PTX4: variants seen among roughly 807,000 people sequenced by gnomAD.
The protein encoded by PTX4 is pentraxin-4.
PTX4 carries 23 observed loss-of-function variants against 19.1 expected under a neutral mutation model. The ratio of observed to expected loss-of-function variants is 1.20; its 90% confidence interval spans 0.87 to 1.70. PTX4 has a LOEUF of 1.70. Among genes scored for constraint, PTX4 ranks in the 40% most tolerant of loss-of-function variants. PTX4 has a pLI of 0.00. For missense variants in PTX4, 678 were observed against 610.5 expected, an observed-to-expected ratio of 1.11 and a Z score of -1.17; for synonymous variants, 317 against 279.6, an observed-to-expected ratio of 1.13 and a Z score of -1.33.
rs753975522 is a variant in PTX4 at position 1,487,806 on chromosome 16, C to T, written c.306G>A (p.Ala102=). 5.3e-5 allele frequency: 85 copies of T among 1,612,958 alleles called. No homozygotes were observed. In the Admixed American group the frequency reaches 1.2e-3, roughly 23 times the overall value. ...RSQASVQGEL[A]QLKAWVRKLQ... is the part of the protein sequence containing the mutation. The stretch of plus-strand genomic sequence containing the variant: ...GCTTCCTCACCCAGGCCTTGAGCTG[C>T]GCCAGCTCCCCCTGCACCGAGGCCT... Residue 102 remains alanine, a synonymous_variant, in exon 2 of 3, where the codon GCG becomes GCA. Coordinates refer to ENST00000447419, the MANE Select transcript of PTX4 (RefSeq NM_001328608.2).
intron 2 of PTX4, 121 bp from the exon 3 acceptor site, chr16:1,486,700 C>T (rs1596239449): frequency 9.4e-7 from 1 of 1,064,662 alleles, no homozygotes; most frequent in Non-Finnish European, 1.3e-6. Context: ...GGAGCACTGA[C>T]TCTGCGCTGG....
chr16:1,486,831 C>T (rs1393853821), intron 2 of PTX4, among the ~76,000 whole-genome samples: 2 of 152,110 alleles, frequency 1.3e-5, no homozygotes, highest in East Asian at 1.9e-4. Context: ...CTGCTAGGAG[C>T]CCTAGCTGTC....
In PTX4 at chr16:1,487,925, C is replaced by A; in HGVS notation, c.187G>T (p.Ala63Ser). The stretch of plus-strand genomic sequence containing the variant: ...TTGTAGGACACGTTGTAGTTGCTGG[C>A]GATGTTCTGCAGGTGTGTCCAGGTC... ...EVTWTHLQNI[A>S]SNYNVSYNVD... The change falls in exon 2 of 3, where the codon GCC becomes TCC. Residue 63 changes from alanine to serine, a missense_variant. By Grantham distance (99) the Ala-to-Ser change is moderately conservative (BLOSUM62 1). Transcript: ENST00000447419. 6.2e-7 allele frequency: 1 copy of A among 1,606,666 alleles called. No homozygotes were observed.
chr16:1,487,415 T>G lies in PTX4; in HGVS notation c.697A>C (p.Arg233=). 2 of 1,527,234 alleles carry G rather than the reference T, an allele frequency of 1.3e-6. No homozygotes were observed. Among genetic ancestry groups the G allele is most frequent in the Non-Finnish European group, 1.7e-6 (2 of 1,143,280 alleles). The allele number at this position is 1,527,234 out of a possible 1,614,324, so 94.6% of individuals were successfully genotyped here. A position where few individuals can be genotyped will look rare whatever the true frequency, so the allele number is the denominator to read the frequency against. The change falls in exon 2 of 3, where the codon AGG becomes CGG. Residue 233 remains arginine (R), a synonymous_variant. Transcript: ENST00000447419. ...PQDSSAPLQG[R]REPPASGSHR... ...CTGCCTGAGGCTGGAGGCTCCCGCC[T>G]CCCTTGGAGAGGGGCCGAGGAGTCC... is the stretch of plus-strand genomic sequence containing the variant.
At position 1,487,616 on chromosome 16, in the gene PTX4, C is replaced by T. The variant is rs371428239; in HGVS notation, c.496G>A (p.Ala166Thr). The change falls in exon 2 of 3, where the codon GCC becomes ACC. Residue 166 changes from alanine (A) to threonine (T), a missense_variant. Physicochemically the swap from Ala to Thr is moderately conservative, Grantham distance 58. Transcript: ENST00000447419. The part of the protein sequence containing the change: ...RLEGLVHSQG[A>T]RLAALEGRLP... ...CGCCCCTCCAGAGCAGCCAGCCTGG[C>T]GCCCTGGCTGTGGACGAGGCCCTCC... is the stretch of plus-strand genomic sequence containing the variant. 178 of 1,572,174 alleles carry T rather than the reference C, an allele frequency of 1.1e-4. No homozygotes were observed. Among genetic ancestry groups the T allele is most frequent in the Admixed American group, 6.7e-4 (38 of 56,506 alleles).
rs774104130 is a variant in PTX4, at chr16:1,486,244, C to T, written c.1132G>A (p.Val378Met). 18 of 1,612,316 alleles carry T rather than the reference C, an allele frequency of 1.1e-5. No individual in the cohort carries two copies. Among genetic ancestry groups the T allele is most frequent in the Admixed American group, 5.0e-5 (3 of 59,874 alleles). The change falls in exon 3 of 3, where the codon GTG (valine) becomes ATG (methionine). Residue 378 changes from valine (V) to methionine (M), a missense_variant. Transcript: ENST00000447419. ...CCGGTGGCCACCAGCCTGCGATCCACGTGGAGCCAGTACCTGCCCTGGGTG... is the reference window on the plus strand; with the variant it reads ...CCGGTGGCCACCAGCCTGCGATCCATGTGGAGCCAGTACCTGCCCTGGGTG... ...TSTQGRYWLH[V>M]DRRLVATGSR...
chr16:1,486,862 C>T (rs1393465243), intron 2 of PTX4, among the ~76,000 whole-genome samples: 2 of 152,168 alleles, frequency 1.3e-5, no homozygotes, highest in Admixed American at 6.5e-5. Flanking sequence ...GCTGAGCCAG[C>T]GCCCCTCACT....
chr16:1,488,709 C>T (rs967931088), intron 1 of PTX4, 60 bp downstream of exon 1: 6 of 652,634 alleles, frequency 9.2e-6, no homozygotes, highest in Admixed American at 2.3e-5. Flanking sequence ...CTGTAACATC[C>T]GTCTTCCATC....
At chr16:1,486,718 G>A (rs1312162595) in intron 2 of PTX4, 139 bp from the exon 3 acceptor site, 9 of 861,404 alleles carry the variant, frequency 1.0e-5, no homozygotes, top group Admixed American at 3.2e-5. Flanking sequence ...TGGCCCTGCC[G>A]ATGGCTCCCC....
intron 1 of PTX4, chr16:1,488,231 A>G: frequency 1.4e-6 from 2 of 1,472,512 alleles, no homozygotes; most frequent in South Asian, 2.5e-5. Flanking sequence ...CCCACCGCTC[A>G]CCCCATAACC....
chr16:1,488,412 C>A, intron 1 of PTX4: 1 of 1,613,728 alleles, frequency 6.2e-7, no homozygotes, highest in Non-Finnish European at 8.5e-7. Context: ...TCCGGGAGGC[C>A]GTTCACACCG....
In PTX4 at chr16:1,487,862, G is replaced by A. The variant is rs1436548296; in HGVS notation, c.250C>T (p.Gln84Ter). The change falls in exon 2 of 3, where the codon CAG becomes TAG. Residue 84 changes from glutamine to a stop codon, truncating the protein, a stop_gained. Transcript: ENST00000447419. LOFTEE classifies it high-confidence loss of function. ...CGGTTGACTGCCTGAGCCACAGCCT[G>A]GCTCTCTTCCGCCAGGCTCCGGAAC... ...VRFRSLAEESQAVAQAVNRSQ... is the reference protein window; with the variant it reads ...VRFRSLAEES 6.2e-7 allele frequency: 1 copy of A among 1,613,008 alleles called. No individual in the cohort carries two copies. Among genetic ancestry groups the A allele is most frequent in the East Asian group, 2.2e-5 (1 of 44,886 alleles).
rs552443178 is a variant in PTX4, at chr16:1,488,354, C to T, written c.142-384G>A. Reference sequence around the variant, plus strand: ...AAACAGGAAGCACCCAGCGCAGGCCCGACAGGCCCACAGCACTCCGGAACT... The same window carrying T: ...AAACAGGAAGCACCCAGCGCAGGCCTGACAGGCCCACAGCACTCCGGAACT... On this transcript the variant is annotated intron_variant, in intron 1 of 2. Coordinates refer to ENST00000447419, the MANE Select transcript of PTX4 (RefSeq NM_001328608.2). 22 of 1,613,644 alleles carry T rather than the reference C, an allele frequency of 1.4e-5. 1 individual carries two copies. Among genetic ancestry groups the T allele is most frequent in the South Asian group, 1.1e-4 (10 of 91,070 alleles).
rs139020235 is a variant in PTX4 at position 1,486,304 on chromosome 16, C to T, written c.1072G>A (p.Gly358Ser). ...RELPLQLLLDGQWHHICVIWT... is the reference protein window; with the variant it reads ...RELPLQLLLDSQWHHICVIWT... ...ATGACACAGATGTGGTGCCACTGGCCGTCCAGCAGCAGCTGCAAGGGCAGC... is the reference window on the plus strand; with the variant it reads ...ATGACACAGATGTGGTGCCACTGGCTGTCCAGCAGCAGCTGCAAGGGCAGC... The change falls in exon 3 of 3, where the codon GGC becomes AGC. Residue 358 changes from glycine to serine, a missense_variant. Transcript: ENST00000447419. The T allele has an allele frequency of 2.5e-4, 397 of 1,613,676 alleles. No individual in the cohort carries two copies. The African/African-American group carries it at 4.5e-3, about 18-fold the overall frequency.
Position 1,487,355 on chromosome 16 carries a change from G to T in PTX4, c.757C>A (p.Pro253Thr). 6.4e-7 allele frequency: 1 copy of T among 1,556,996 alleles called. No homozygotes were observed. The highest frequency in any genetic ancestry group is 8.6e-7 in the Non-Finnish European group (1 of 1,157,392). Residue 253 changes from proline to threonine, a missense_variant, in exon 2 of 3, where the codon CCT becomes ACT. By Grantham distance (38) the Pro-to-Thr change is conservative. Transcript: ENST00000447419. ...RVLSGTAPKD[P>T]RQQAWSPQVP... ...TGGGGGGACCATGCCTGCTGCCGAG[G>T]GTCTTTTGGGGCAGTCCCACTGAGT...
Position 1,487,897 on chromosome 16 carries a change from A to G in PTX4, c.215T>C (p.Val72Ala), listed in dbSNP as rs778499293. ...IASNYNVSYN[V>A]DVRFRSLAEE... ...CGCCAGGCTCCGGAACCGGACGTCA[A>G]CGTTGTAGGACACGTTGTAGTTGCT... is the stretch of plus-strand genomic sequence containing the variant. The change falls in exon 2 of 3, where the codon GTT becomes GCT. Residue 72 changes from valine (V) to alanine (A), a missense_variant. Coordinates refer to ENST00000447419, the MANE Select transcript of PTX4 (RefSeq NM_001328608.2). The G allele has an allele frequency of 2.5e-6, 4 of 1,612,468 alleles. No homozygotes were observed. Among genetic ancestry groups the G allele is most frequent in the Non-Finnish European group, 2.5e-6 (3 of 1,179,658 alleles).
intron 1 of PTX4, chr16:1,488,236 A>G (rs1471100115): frequency 6.6e-7 from 1 of 1,510,428 alleles, no homozygotes; most frequent in Non-Finnish European, 9.0e-7. Flanking sequence ...CGCTCACCCC[A>G]TAACCACCGG....
Position 1,488,741 on chromosome 16 carries a change from A to G in PTX4, c.141+28T>C, listed in dbSNP as rs768660950. On this transcript the variant is annotated intron_variant, in intron 1 of 2. Coordinates refer to ENST00000447419, the MANE Select transcript of PTX4 (RefSeq NM_001328608.2). ...CATCTGCTGCCAATTTAAAAACCCG[A>G]CTGCGCCATGTCAGGGGTATAACTT... The G allele has an allele frequency of 9.0e-6, 6 of 668,270 alleles. No individual in the cohort carries two copies. In the South Asian group the frequency reaches 9.3e-5, roughly 10 times the overall value. 41.4% of individuals were successfully genotyped at this position (668,270 alleles called of 1,614,324 possible). A position where few individuals can be genotyped will look rare whatever the true frequency, so the allele number is the denominator to read the frequency against.
At chr16:1,487,094 C>T (rs1163868312) in intron 2 of PTX4, among the ~76,000 whole-genome samples, 1 of 152,216 alleles carries the variant, frequency 6.6e-6, no homozygotes, top group East Asian at 1.9e-4. Context: ...CATCCCGCCA[C>T]CTCTGCTTCT....
Sources: allele counts gnomAD v4.1 joint callset (sites outside exome capture counted in the v4.1 genomes callset), GRCh38; gene constraint gnomAD v4.1.1; transcripts MANE v1.5; gene names NCBI Gene and HGNC (gene_info 2026-07-23, HGNC 2026-07-21).